CSMD3: variants seen among roughly 807,000 people sequenced by gnomAD.
CSMD3 encodes the protein CUB and sushi domain-containing protein 3.
A neutral mutation model predicts 435.2 loss-of-function variants in CSMD3; 177 were observed. That is an observed-to-expected ratio of 0.41 (90% CI 0.36 to 0.46). The LOEUF is 0.46. Ranked by LOEUF, CSMD3 falls within the 20% of genes least tolerant of loss-of-function variation. CSMD3 has a pLI of 0.34. For missense variants in CSMD3, 4,265 were observed against 4,504.6 expected, an observed-to-expected ratio of 0.95 and a Z score of 1.52; for synonymous variants, 1,656 against 1,520.5, an observed-to-expected ratio of 1.09 and a Z score of -2.07.
chr8:113,228,713 G>T (rs75016752), intron 3 of CSMD3, among the ~76,000 whole-genome samples: 19 of 151,406 alleles, frequency 1.3e-4, no homozygotes, highest in Non-Finnish European at 2.5e-4. Flanking sequence ...CAAGGATAGC[G>T]AAAGAGTGTG....
At chr8:112,307,064 A>G (rs1003578373) in intron 50 of CSMD3, among the ~76,000 whole-genome samples, 2 of 151,752 alleles carry the variant, frequency 1.3e-5, no homozygotes, top group Non-Finnish European at 2.9e-5. Flanking sequence ...TTCAAATAAC[A>G]TGTACATAAT....
At chr8:112,515,306 T>C (rs1823555295) in intron 28 of CSMD3, among the ~76,000 whole-genome samples, 1 of 152,118 alleles carries the variant, frequency 6.6e-6, no homozygotes, top group Non-Finnish European at 1.5e-5. Flanking sequence ...AGTTCTACAG[T>C]AAGATTTTGG....
At chr8:113,168,519 C>CAAAAAAAAAA (rs71281204) in intron 4 of CSMD3, among the ~76,000 whole-genome samples, 197 of 17,014 alleles carry the variant, frequency 0.012, 45 homozygotes, top group East Asian at 0.034. Context: ...GACTCTGTCT[C>CAAAAAAAAAA]AAAAAAAAAA....
intron 38 of CSMD3, 98 bp from the exon 39 acceptor site, chr8:112,352,632 C>A: frequency 9.8e-7 from 1 of 1,024,290 alleles, no homozygotes; most frequent in Non-Finnish European, 1.5e-6. Flanking sequence ...AGTGTCTCAT[C>A]AAACTAGATA....
chr8:113,356,406 A>T (rs984990), intron 1 of CSMD3, among the ~76,000 whole-genome samples: 95,194 of 151,934 alleles, frequency 0.63, 30,721 homozygotes, highest in East Asian at 0.75. Context: ...TGAAGAAAAA[A>T]TTGGTCAGCT....
chr8:112,303,195 G>GA (rs1439690578), intron 52 of CSMD3, among the ~76,000 whole-genome samples: 5 of 151,980 alleles, frequency 3.3e-5, no homozygotes, highest in Admixed American at 3.3e-4. Flanking sequence ...CAATAATTTG[G>GA]AAAAAACAAG....
intron 1 of CSMD3, among the ~76,000 whole-genome samples, chr8:113,429,588 T>A (rs2094658253): frequency 6.6e-6 from 1 of 152,096 alleles, no homozygotes; most frequent in African/African-American, 2.4e-5. Flanking sequence ...TATCTCCTTT[T>A]GTCTTCTACC....
intron 5 of CSMD3, among the ~76,000 whole-genome samples, chr8:113,095,065 C>G (rs1296246038): frequency 1.3e-5 from 2 of 150,578 alleles, no homozygotes; most frequent in East Asian, 3.9e-4. Flanking sequence ...AGTGAGACTC[C>G]ATCTCAGAAA....
At chr8:112,412,288 A>G (rs1563915743) in intron 32 of CSMD3, among the ~76,000 whole-genome samples, 1 of 152,036 alleles carries the variant, frequency 6.6e-6, no homozygotes, top group Non-Finnish European at 1.5e-5. Context: ...TGGGTAGAAC[A>G]CCCTTTTATT....
chr8:113,080,238 T>C (rs1238339896), intron 5 of CSMD3, among the ~76,000 whole-genome samples: 3 of 152,172 alleles, frequency 2.0e-5, no homozygotes, highest in African/African-American at 7.2e-5. Context: ...TAAAATCCCA[T>C]GACAGGTAAG....
intron 2 of CSMD3, among the ~76,000 whole-genome samples, chr8:113,289,501 G>A (rs989004854): frequency 6.6e-6 from 1 of 151,204 alleles, no homozygotes; most frequent in African/African-American, 2.4e-5. Context: ...ATGACCGAGA[G>A]AGAGGTGAGA....
chr8:113,009,868 C>T (rs1426325468), intron 6 of CSMD3, among the ~76,000 whole-genome samples: 2 of 151,570 alleles, frequency 1.3e-5, no homozygotes, highest in African/African-American at 4.8e-5. Flanking sequence ...AGTACCTGAA[C>T]TAATAAAAGG....
chr8:113,133,778 T>C (rs1287487574), intron 4 of CSMD3, among the ~76,000 whole-genome samples: 1 of 152,094 alleles, frequency 6.6e-6, no homozygotes, highest in Non-Finnish European at 1.5e-5. Context: ...TCTCACATTA[T>C]AAAGTGAAAT....
At chr8:112,347,251 A>G (rs981937718) in intron 40 of CSMD3, among the ~76,000 whole-genome samples, 2 of 152,172 alleles carry the variant, frequency 1.3e-5, no homozygotes, top group South Asian at 2.1e-4. Flanking sequence ...CCTTGAGCAT[A>G]TATGAAAGGC....
chr8:113,117,746 A>C (rs1307234403), intron 4 of CSMD3, among the ~76,000 whole-genome samples: 7 of 152,224 alleles, frequency 4.6e-5, no homozygotes, highest in Admixed American at 4.6e-4. Context: ...CACCTCTTGC[A>C]TCAGCATGAC....
At chr8:113,020,684 A>C (rs1035605786) in intron 5 of CSMD3, among the ~76,000 whole-genome samples, 5 of 152,190 alleles carry the variant, frequency 3.3e-5, no homozygotes, top group Non-Finnish European at 7.3e-5. Flanking sequence ...CCTATTCTTC[A>C]AAGCTCACAG....
At chr8:112,264,805 G>C (rs1372895948) in intron 60 of CSMD3, among the ~76,000 whole-genome samples, 1 of 151,996 alleles carries the variant, frequency 6.6e-6, no homozygotes, top group East Asian at 1.9e-4. Context: ...CAATTTGTCT[G>C]ACATTGCATG....
chr8:113,065,989 G>A (rs1342930383), intron 5 of CSMD3, among the ~76,000 whole-genome samples: 7 of 149,962 alleles, frequency 4.7e-5, no homozygotes, highest in Non-Finnish European at 1.0e-4. Flanking sequence ...ATGTAAATAT[G>A]AATGCTTTAT....
chr8:113,414,931 G>A (rs148234982), intron 1 of CSMD3, among the ~76,000 whole-genome samples: 191 of 152,076 alleles, frequency 1.3e-3, no homozygotes, highest in African/African-American at 3.9e-3. Flanking sequence ...GTGCCACTGC[G>A]CTCCAGCCTG....
Sources: allele counts gnomAD v4.1 joint callset (sites outside exome capture counted in the v4.1 genomes callset), GRCh38; gene constraint gnomAD v4.1.1; transcripts MANE v1.5; gene names NCBI Gene and HGNC (gene_info 2026-07-23, HGNC 2026-07-21).